TAF1B: variants seen among roughly 807,000 people sequenced by gnomAD.
TAF1B encodes TATA-box binding protein associated factor, RNA polymerase I subunit B.
Under a neutral mutation model 83.9 loss-of-function variants are expected in TAF1B, and 61 were observed. The observed-to-expected ratio is 0.73, with a 90% CI of 0.59 to 0.90. The LOEUF is 0.90. TAF1B is among the 40% of genes least tolerant of loss of function. The probability of loss-of-function intolerance (pLI) is 0.00; values close to 1 mark genes in which losing one functional copy is unlikely to be tolerated. For missense variants in TAF1B, 625 were observed against 677.0 expected (o/e 0.92, Z 0.85); for synonymous variants, 221 against 224.6 (o/e 0.98, Z 0.14).
At chr2:9,905,884 A>G (rs150421036) in intron 9 of TAF1B, among the ~76,000 whole-genome samples, 46 of 152,304 alleles carry the variant, frequency 3.0e-4, no homozygotes, top group Middle Eastern at 3.4e-3. Context: ...AAACAGGAAC[A>G]AAAATAATTT....
intron 6 of TAF1B, among the ~76,000 whole-genome samples, chr2:9,871,182 C>A (rs772679698): frequency 5.3e-5 from 8 of 152,166 alleles, no homozygotes; most frequent in Non-Finnish European, 1.2e-4. Flanking sequence ...TGGGTTCATG[C>A]CATTCTCCTG....
intron 6 of TAF1B, among the ~76,000 whole-genome samples, chr2:9,874,472 G>A (rs558677823): frequency 2.0e-5 from 3 of 151,104 alleles, no homozygotes; most frequent in Non-Finnish European, 2.9e-5. Flanking sequence ...AAGTCTCTCC[G>A]TGTTGCCCAG....
intron 12 of TAF1B, 27 bp downstream of exon 12, chr2:9,913,276 C>G (rs1665587337): frequency 1.3e-6 from 2 of 1,556,360 alleles, no homozygotes; most frequent in South Asian, 1.1e-5. Context: ...GGTTTAGATG[C>G]ACCTGCCTTA....
intron 6 of TAF1B, chr2:9,868,687 GA>G: frequency 3.3e-6 from 2 of 605,918 alleles, no homozygotes; most frequent in South Asian, 3.0e-5. Flanking sequence ...AGTGGATCCA[GA>G]AAGAAGGAGG....
At chr2:9,853,641 G>T (rs2125136676) in intron 4 of TAF1B, among the ~76,000 whole-genome samples, 1 of 151,974 alleles carries the variant, frequency 6.6e-6, no homozygotes, top group East Asian at 1.9e-4. Flanking sequence ...CTAACTTTTT[G>T]ATTTTTTGTA....
chr2:9,867,019 T>C (rs1159239043), intron 5 of TAF1B, among the ~76,000 whole-genome samples: 1 of 152,128 alleles, frequency 6.6e-6, no homozygotes, highest in African/African-American at 2.4e-5. Context: ...CACACCAACA[T>C]GGCACATGTA....
At chr2:9,882,900 T>C in intron 8 of TAF1B, 95 bp downstream of exon 8, 1 of 878,016 alleles carries the variant, frequency 1.1e-6, no homozygotes, top group Admixed American at 2.6e-5. Flanking sequence ...TTTGGTGTTT[T>C]GTGTTTTATC....
chr2:9,851,852 T>A, intron 4 of TAF1B: 1 of 643,148 alleles, frequency 1.6e-6, no homozygotes, highest in South Asian at 1.7e-5. Context: ...AAGAAAAATT[T>A]AAAGGTTTTA....
At chr2:9,931,256 C>G (rs1273881297) in intron 14 of TAF1B, among the ~76,000 whole-genome samples, 1 of 152,174 alleles carries the variant, frequency 6.6e-6, no homozygotes, top group African/African-American at 2.4e-5. Flanking sequence ...CAGTTTCTTC[C>G]TAGCCTTGAT....
chr2:9,857,909 A>G (rs1362756436), intron 5 of TAF1B, among the ~76,000 whole-genome samples: 1 of 152,156 alleles, frequency 6.6e-6, no homozygotes, highest in African/African-American at 2.4e-5. Flanking sequence ...ACAATTCGAG[A>G]TGAGAGATTT....
chr2:9,856,469 TGA>T (rs770947400), intron 5 of TAF1B, among the ~76,000 whole-genome samples: 21 of 152,328 alleles, frequency 1.4e-4, no homozygotes, highest in East Asian at 1.2e-3. Context: ...TCTTGATACA[TGA>T]GAGAGATACT....
In TAF1B at chr2:9,919,718, GT is replaced by G. The variant is rs1293371258; in HGVS notation, c.1466del (p.Phe489SerfsTer10). The G allele has an allele frequency of 6.2e-7, 1 of 1,614,160 alleles. No individual in the cohort carries two copies. The highest frequency in any genetic ancestry group is 8.5e-7 in the Non-Finnish European group (1 of 1,180,012). On this transcript the variant is annotated frameshift_variant, in exon 14 of 15. Transcript: ENST00000263663. LOFTEE classifies it high-confidence loss of function. ...ACTGAAGAGGACACTGATAGAACGT[GT>G]TTCCATGGACACAGCCTTCAGGGAG... The part of the protein sequence containing the change: ...NWTEEDTDRT[C>X]FHGHSLQGVL...
intron 6 of TAF1B, among the ~76,000 whole-genome samples, chr2:9,874,339 T>C (rs114733020): frequency 1.6e-4 from 24 of 152,324 alleles, no homozygotes; most frequent in African/African-American, 5.5e-4. Context: ...CAATGAGGTT[T>C]CTCTGACACC....
rs754246614 is a variant in TAF1B, at chr2:9,919,112, G to GT, written c.1342+2dup. Reference sequence around the variant, plus strand: ...AAACCAGTAGCATATAAAAAAAGAGGTAAGTCAAATTTTGTCTTTTTAATA... The same window carrying GT: ...AAACCAGTAGCATATAAAAAAAGAGGTTAAGTCAAATTTTGTCTTTTTAATA... On this transcript the variant is annotated splice_donor_variant, in intron 13 of 14. Coordinates refer to ENST00000263663, the MANE Select transcript of TAF1B (RefSeq NM_005680.3). LOFTEE classifies it high-confidence loss of function. The GT allele has an allele frequency of 1.9e-6, 3 of 1,613,684 alleles. No individual in the cohort carries two copies. The highest frequency in any genetic ancestry group is 2.5e-6 in the Non-Finnish European group (3 of 1,179,870).
intron 6 of TAF1B, among the ~76,000 whole-genome samples, chr2:9,872,126 G>A (rs567067498): frequency 3.6e-4 from 54 of 152,092 alleles, no homozygotes; most frequent in Admixed American, 1.2e-3. Flanking sequence ...AGGAGATTGA[G>A]ACCATCCTGG....
chr2:9,918,990 T>C, intron 12 of TAF1B, 51 bp from the exon 13 acceptor site: 1 of 1,451,668 alleles, frequency 6.9e-7, no homozygotes, highest in Non-Finnish European at 9.6e-7. Context: ...ACAATGTGTT[T>C]ATGTCCGTTT....
intron 14 of TAF1B, among the ~76,000 whole-genome samples, chr2:9,925,810 C>G (rs928904646): frequency 2.0e-5 from 3 of 152,060 alleles, no homozygotes; most frequent in African/African-American, 7.2e-5. Context: ...CTCCTGACCT[C>G]GTGATCTGCC....
chr2:9,868,594 T>G (rs559366793), intron 6 of TAF1B, 165 bp downstream of exon 6: 8 of 1,076,388 alleles, frequency 7.4e-6, no homozygotes, highest in Admixed American at 6.0e-5. Flanking sequence ...ACAAACTAAG[T>G]GAAATCTTAG....
chr2:9,857,194 T>C (rs1663591803), intron 5 of TAF1B, among the ~76,000 whole-genome samples: 1 of 152,130 alleles, frequency 6.6e-6, no homozygotes. Context: ...ATGCAGAATT[T>C]CAGGTCTTAC....
Sources: gnomAD v4.1 joint callset for allele counts (sites outside exome capture counted in the v4.1 genomes callset) on GRCh38, gnomAD v4.1.1 for gene constraint, MANE v1.5 for transcripts, NCBI Gene and HGNC (gene_info 2026-07-23, HGNC 2026-07-21) for gene names.